FBXL20: variants seen among roughly 807,000 people sequenced by gnomAD.
FBXL20 encodes F-box/LRR-repeat protein 20.
Under a neutral mutation model 64.0 loss-of-function variants are expected in FBXL20, and 11 were observed. That is an observed-to-expected ratio of 0.17 (90% CI 0.11 to 0.28). The LOEUF (loss-of-function observed/expected upper bound fraction) is 0.28, where lower values mean the gene tolerates loss of function less well. FBXL20 is among the 10% of genes least tolerant of loss of function. The pLI is 1.00. For missense variants in FBXL20, 303 were observed against 526.2 expected (o/e 0.58, Z 4.15); for synonymous variants, 184 against 189.0 (o/e 0.97, Z 0.22).
At chr17:39,273,582 C>G (rs1463788484) in intron 10 of FBXL20, among the ~76,000 whole-genome samples, 1 of 151,396 alleles carries the variant, frequency 6.6e-6, no homozygotes, top group Non-Finnish European at 1.5e-5. Flanking sequence ...AAACCCAGCA[C>G]TTTGGGAGGC....
intron 1 of FBXL20, among the ~76,000 whole-genome samples, chr17:39,354,927 T>TTTTG (rs375812564): frequency 3.9e-5 from 6 of 152,154 alleles, no homozygotes; most frequent in South Asian, 2.1e-4. Flanking sequence ...TTCTTGGTTT[T>TTTTG]TTTGTTTGTT....
chr17:39,339,068 C>G (rs375524492), intron 2 of FBXL20, among the ~76,000 whole-genome samples: 13 of 147,918 alleles, frequency 8.8e-5, no homozygotes, highest in Admixed American at 8.3e-4. Flanking sequence ...CTCAGGAGGA[C>G]GAGGCAGGAG....
chr17:39,335,677 A>C (rs921561462), intron 2 of FBXL20, among the ~76,000 whole-genome samples: 50 of 152,004 alleles, frequency 3.3e-4, no homozygotes, highest in Admixed American at 2.6e-3. Context: ...AGAAACATAG[A>C]TGTTCCTTTT....
chr17:39,286,307 G>A (rs973722879), intron 6 of FBXL20, among the ~76,000 whole-genome samples: 1 of 152,018 alleles, frequency 6.6e-6, no homozygotes, highest in Middle Eastern at 3.2e-3. Flanking sequence ...CTCCATTTCC[G>A]GGTTCAAGCA....
At chr17:39,383,161 C>CAA (rs544953840) in intron 1 of FBXL20, among the ~76,000 whole-genome samples, 10 of 50,156 alleles carry the variant, frequency 2.0e-4, no homozygotes, top group African/African-American at 5.1e-4. Flanking sequence ...GACTCTGTCT[C>CAA]AAAAAAAAAA....
At chr17:39,312,658 C>T (rs1173959973) in intron 2 of FBXL20, among the ~76,000 whole-genome samples, 2 of 141,656 alleles carry the variant, frequency 1.4e-5, no homozygotes, top group Admixed American at 1.5e-4. Flanking sequence ...ACTGCAAGCT[C>T]CGCCTCCTGG....
At chr17:39,309,847 G>T (rs560353275) in intron 2 of FBXL20, among the ~76,000 whole-genome samples, 1 of 149,674 alleles carries the variant, frequency 6.7e-6, no homozygotes, top group Non-Finnish European at 1.5e-5. Context: ...AAAAGAAGAA[G>T]AACAAGAAAA....
At chr17:39,301,706 C>T (rs1338341327) in intron 3 of FBXL20, among the ~76,000 whole-genome samples, 3 of 149,924 alleles carry the variant, frequency 2.0e-5, no homozygotes, top group African/African-American at 2.5e-5. Context: ...CCAGCCTGGG[C>T]GACAGAGCGA....
intron 1 of FBXL20, among the ~76,000 whole-genome samples, chr17:39,390,156 G>A (rs945825654): frequency 6.6e-6 from 1 of 152,122 alleles, no homozygotes; most frequent in Admixed American, 6.6e-5. Context: ...AAACTGATTA[G>A]GCTGGGTGCA....
intron 2 of FBXL20, among the ~76,000 whole-genome samples, chr17:39,334,486 A>AAAAAAAAATTCG (rs2047500672): frequency 6.7e-6 from 1 of 150,068 alleles, no homozygotes; most frequent in Non-Finnish European, 1.5e-5. Context: ...AAAAATTAAA[A>AAAAAAAAATTCG]AAAAAAAAAT....
intron 2 of FBXL20, among the ~76,000 whole-genome samples, chr17:39,306,152 TTC>T (rs1187672335): frequency 2.6e-5 from 3 of 114,792 alleles, no homozygotes; most frequent in African/African-American, 5.7e-5. Flanking sequence ...ATAGAGTGAG[TTC>T]TTTTTTTTTT....
At chr17:39,381,458 TAA>T (rs2048022287) in intron 1 of FBXL20, among the ~76,000 whole-genome samples, 3 of 119,228 alleles carry the variant, frequency 2.5e-5, no homozygotes, top group East Asian at 2.4e-4. Flanking sequence ...CCAGCCTGGG[TAA>T]TACAGTGAGA....
In FBXL20 at chr17:39,369,416, C is replaced by T. The variant is rs550418184; in HGVS notation, c.43-26175G>A. 2.6e-5 allele frequency among the ~76,000 whole-genome samples: 4 copies of T among 151,968 alleles called. No individual in the cohort carries two copies. In the South Asian group the frequency reaches 8.3e-4, roughly 32 times the overall value. ...GGGATTACAGGCACACACTACCAGG[C>T]CCAGGTAATATTTGTATTTTTAGCA... On this transcript the variant is annotated intron_variant, in intron 1 of 14. Transcript: ENST00000264658.
chr17:39,305,290 C>T (rs967191540), intron 2 of FBXL20, among the ~76,000 whole-genome samples: 32 of 152,288 alleles, frequency 2.1e-4, no homozygotes, highest in Admixed American at 1.8e-3. Flanking sequence ...GAATTTTTCT[C>T]AGCCTTATAG....
chr17:39,390,327 G>A (rs921433158), intron 1 of FBXL20, among the ~76,000 whole-genome samples: 46 of 152,018 alleles, frequency 3.0e-4, no homozygotes, highest in Admixed American at 4.6e-4. Flanking sequence ...TTGAGAGGCC[G>A]AGGCAGGTGG....
chr17:39,355,901 CATAAAAATTTTCTCCT>C (rs1447344593), intron 1 of FBXL20, among the ~76,000 whole-genome samples: 5 of 143,590 alleles, frequency 3.5e-5, no homozygotes, highest in Non-Finnish European at 7.6e-5. Flanking sequence ...AATCCAATTT[CATAAAAATTTTCTCCT>C]ATGTTTTAAA....
In FBXL20 at chr17:39,361,866, G is replaced by A. The variant is rs527954385; in HGVS notation, c.43-18625C>T. ...AAATCCCAGCACTTTACAAGGCTGA[G>A]GTATGAGGACTGCCCGAGCCCCGGA... On this transcript the variant is annotated intron_variant, in intron 1 of 14. Coordinates refer to ENST00000264658, the MANE Select transcript of FBXL20 (RefSeq NM_032875.3). Among the ~76,000 whole-genome samples the A allele has an allele frequency of 4.6e-5, 7 of 152,046 alleles. No homozygotes were observed. The South Asian group carries it at 1.2e-3, about 27-fold the overall frequency.
At position 39,272,668 on chromosome 17, in the gene FBXL20, C is replaced by T. The variant is rs373973946; in HGVS notation, c.828-1812G>A. On this transcript the variant is annotated intron_variant, in intron 10 of 14. Coordinates refer to ENST00000264658, the MANE Select transcript of FBXL20 (RefSeq NM_032875.3). The stretch of plus-strand genomic sequence containing the variant: ...AGTGAGCCAAGATCATGCCATTGCA[C>T]TCCAGCCTGGGCAACAGAGCCAAAC... Among the ~76,000 whole-genome samples, 22 of 139,818 alleles carry T rather than the reference C, an allele frequency of 1.6e-4. No homozygotes were observed. The South Asian group carries it at 5.0e-3, about 32-fold the overall frequency. 91.7% of individuals were successfully genotyped at this position (139,818 alleles called of 152,430 possible).
In FBXL20 at chr17:39,299,066, T is replaced by C; in HGVS notation, c.253A>G (p.Ile85Val). Residue 85 changes from isoleucine (I) to valine (V), a missense_variant, in exon 5 of 15, where the codon ATT becomes GTT. This residue lies in a region of FBXL20 where 246 missense variants were observed against 422.6 expected (regional missense o/e 0.58). Transcript: ENST00000264658. ...AAAAAGCCCCCACATCGTTTTGAAA[T>C]ATTCTCCACTACTCGGCCCTGTAAA... ...RDIEGRVVEN[I>V]SKRCGGFLRK... The C allele has an allele frequency of 6.2e-7, 1 of 1,613,688 alleles. No homozygotes were observed. Among genetic ancestry groups the C allele is most frequent in the Non-Finnish European group, 8.5e-7 (1 of 1,179,796 alleles).
Sources: allele counts gnomAD v4.1 joint callset (sites outside exome capture counted in the v4.1 genomes callset), GRCh38; gene constraint gnomAD v4.1.1; regional missense constraint gnomAD v4.1.1; transcripts MANE v1.5; gene names NCBI Gene and HGNC (gene_info 2026-07-23, HGNC 2026-07-21).